The following EVI5 variants were observed in gnomAD, a reference collection of about 807,000 sequenced individuals.
EVI5 encodes the protein ecotropic viral integration site 5.
Under a neutral mutation model 112.0 loss-of-function variants are expected in EVI5, and 73 were observed. The observed-to-expected ratio is 0.65, with a 90% CI of 0.54 to 0.79. The LOEUF (loss-of-function observed/expected upper bound fraction) is 0.79. Ranked by LOEUF, EVI5 falls within the 30% of genes least tolerant of loss-of-function variation. The probability of loss-of-function intolerance (pLI) is 0.00; values close to 1 mark genes in which losing one functional copy is unlikely to be tolerated. For synonymous variants in EVI5, 305 were observed against 319.9 expected, an observed-to-expected ratio of 0.95 and a Z score of 0.50; for missense variants, 900 against 968.8, an observed-to-expected ratio of 0.93 and a Z score of 0.94.
intron 10 of EVI5, among the ~76,000 whole-genome samples, chr1:92,670,021 C>T (rs1351605022): frequency 6.6e-6 from 1 of 152,202 alleles, no homozygotes; most frequent in South Asian, 2.1e-4. Flanking sequence ...TTAGTGTTGG[C>T]AAAGTAGTCA....
In EVI5 at chr1:92,636,225, C is replaced by T. The variant is rs768019224; in HGVS notation, c.1504G>A (p.Asp502Asn). The T allele has an allele frequency of 1.9e-6, 3 of 1,613,204 alleles. No homozygotes were observed. The highest frequency in any genetic ancestry group is 2.5e-6 in the Non-Finnish European group (3 of 1,179,576). The change falls in exon 14 of 20, where the codon GAT becomes AAT. Residue 502 changes from aspartate to asparagine, a missense_variant. Coordinates refer to ENST00000684568, the MANE Select transcript of EVI5 (RefSeq NM_001350197.2). The part of the protein sequence containing the change: ...ESQCALKEMQ[D>N]KVLDIEKRNN... ...ACCTTCTCTATATCCAAGACTTTATCCTGCATCTCTTTTAATGCACACTGA... is the reference window on the plus strand; with the variant it reads ...ACCTTCTCTATATCCAAGACTTTATTCTGCATCTCTTTTAATGCACACTGA...
intron 2 of EVI5, among the ~76,000 whole-genome samples, chr1:92,705,326 T>C (rs761770432): frequency 6.6e-6 from 1 of 152,246 alleles, no homozygotes; most frequent in Non-Finnish European, 1.5e-5. Context: ...CATATTTGCT[T>C]ATATGCATTT....
intron 18 of EVI5, among the ~76,000 whole-genome samples, chr1:92,596,223 T>C (rs1647824052): frequency 1.3e-5 from 2 of 152,222 alleles, no homozygotes; most frequent in South Asian, 4.2e-4. Flanking sequence ...TAGCCGGGCA[T>C]GGTGGCATGT....
chr1:92,743,278 A>G (rs1013405295), intron 1 of EVI5, among the ~76,000 whole-genome samples: 1 of 152,162 alleles, frequency 6.6e-6, no homozygotes, highest in Non-Finnish European at 1.5e-5. Context: ...GCTTGAACCC[A>G]GGAGGCGGAG....
At chr1:92,598,057 T>G (rs973854891) in intron 18 of EVI5, among the ~76,000 whole-genome samples, 1 of 152,112 alleles carries the variant, frequency 6.6e-6, no homozygotes, top group Non-Finnish European at 1.5e-5. Flanking sequence ...AGACCTTTTT[T>G]TTGAAACAGA....
intron 19 of EVI5, among the ~76,000 whole-genome samples, chr1:92,561,954 G>C (rs1668702669): frequency 6.6e-6 from 1 of 152,062 alleles, no homozygotes; most frequent in African/African-American, 2.4e-5. Context: ...ATTATTTTTA[G>C]TCAAAGCATA....
At chr1:92,588,154 A>G (rs1411751282) in intron 18 of EVI5, among the ~76,000 whole-genome samples, 1 of 152,230 alleles carries the variant, frequency 6.6e-6, no homozygotes, top group Non-Finnish European at 1.5e-5. Context: ...CCTCCAAACT[A>G]AATACCATGA....
chr1:92,669,429 T>C (rs1572203392), intron 10 of EVI5, among the ~76,000 whole-genome samples: 1 of 151,628 alleles, frequency 6.6e-6, no homozygotes, highest in East Asian at 1.9e-4. Flanking sequence ...ATGCCTGTAA[T>C]CCCAGCTACT....
chr1:92,676,691 G>A lies in EVI5; in HGVS notation c.1158+467C>T, dbSNP rs142970839. ...CTGCTTGATTTTCTGGAGAGGAGTA[G>A]TTCAAAAGTATAACCCTTGCTTAGA... On this transcript the variant is annotated intron_variant, in intron 10 of 19. Coordinates refer to ENST00000684568, the MANE Select transcript of EVI5 (RefSeq NM_001350197.2). 1.6e-3 allele frequency among the ~76,000 whole-genome samples: 248 copies of A among 152,246 alleles called. 1 individual carries two copies. The highest frequency in any genetic ancestry group is 5.9e-3 in the African/African-American group (244 of 41,540).
rs1363512963 is a variant in EVI5 at position 92,784,825 on chromosome 1, G to A, written c.-82+11C>T. On this transcript the variant is annotated intron_variant, in intron 1 of 19. Transcript: ENST00000684568. ...CTCCCGGCCCGCCCGGCCTGGCGCAGCGCCCCTCACCTTGGAAACGTTGAG... is the reference window on the plus strand; with the variant it reads ...CTCCCGGCCCGCCCGGCCTGGCGCAACGCCCCTCACCTTGGAAACGTTGAG... 2.0e-6 allele frequency: 2 copies of A among 985,692 alleles called. No homozygotes were observed. Among genetic ancestry groups the A allele is most frequent in the African/African-American group, 1.7e-5 (1 of 57,290 alleles). 61.1% of individuals were successfully genotyped at this position (985,692 alleles called of 1,614,324 possible).
chr1:92,584,986 G>C (rs1043591323), intron 18 of EVI5, among the ~76,000 whole-genome samples: 1 of 152,132 alleles, frequency 6.6e-6, no homozygotes, highest in African/African-American at 2.4e-5. Flanking sequence ...CACTTTGGGA[G>C]GCCGAGGTGA....
At chr1:92,583,328 G>A (rs938164031) in intron 18 of EVI5, among the ~76,000 whole-genome samples, 5 of 151,734 alleles carry the variant, frequency 3.3e-5, no homozygotes, top group African/African-American at 9.7e-5. Context: ...TGGCCAACAT[G>A]GTGAAACTCC....
chr1:92,723,671 C>T (rs1371982446), intron 2 of EVI5, among the ~76,000 whole-genome samples: 2 of 152,088 alleles, frequency 1.3e-5, no homozygotes, highest in Non-Finnish European at 2.9e-5. Context: ...AAAATCAGTG[C>T]ACCCTGAAAA....
At chr1:92,642,912 A>G (rs1035977468) in intron 13 of EVI5, among the ~76,000 whole-genome samples, 27 of 152,354 alleles carry the variant, frequency 1.8e-4, no homozygotes, top group African/African-American at 6.0e-4. Context: ...ACTAAACTGC[A>G]TAATAAAAAT....
chr1:92,741,780 G>A (rs901349542), intron 1 of EVI5, among the ~76,000 whole-genome samples: 2 of 152,030 alleles, frequency 1.3e-5, no homozygotes, highest in African/African-American at 4.8e-5. Flanking sequence ...CCATTTTAGA[G>A]ATAAGAAATC....
intron 1 of EVI5, among the ~76,000 whole-genome samples, chr1:92,759,456 T>A (rs1021312649): frequency 3.9e-5 from 6 of 152,186 alleles, no homozygotes; most frequent in Admixed American, 3.9e-4. Flanking sequence ...TCAAACAGAC[T>A]TTTTTTAAAA....
chr1:92,753,789 T>C (rs1365672291), intron 1 of EVI5, among the ~76,000 whole-genome samples: 3 of 152,208 alleles, frequency 2.0e-5, no homozygotes, highest in African/African-American at 4.8e-5. Context: ...TAATCCTCTG[T>C]AGTAATACTG....
chr1:92,625,996 C>T (rs1655590758), intron 14 of EVI5, 62 bp from the exon 15 acceptor site: 2 of 1,007,908 alleles, frequency 2.0e-6, no homozygotes, highest in Admixed American at 2.0e-5. Context: ...ACAGCACACA[C>T]AACAGCTATT....
At chr1:92,554,388 C>T (rs1017114763) in intron 19 of EVI5, among the ~76,000 whole-genome samples, 5 of 152,208 alleles carry the variant, frequency 3.3e-5, no homozygotes, top group African/African-American at 1.2e-4. Context: ...AGTTCCATCT[C>T]AGCTACGAAC....
Sources: allele counts gnomAD v4.1 joint callset (sites outside exome capture counted in the v4.1 genomes callset), GRCh38; gene constraint gnomAD v4.1.1; transcripts MANE v1.5; gene names NCBI Gene and HGNC (gene_info 2026-07-23, HGNC 2026-07-21).